Variants in PAIP1 observed in about 807,000 individuals in gnomAD.
The protein encoded by PAIP1 is polyadenylate-binding protein-interacting protein 1.
A neutral mutation model predicts 61.3 loss-of-function variants in PAIP1; 16 were observed. The ratio of observed to expected loss-of-function variants is 0.26; its 90% CI spans 0.18 to 0.40. The LOEUF (loss-of-function observed/expected upper bound fraction) is 0.40. Ranked by LOEUF, PAIP1 falls within the 10% of genes least tolerant of loss-of-function variation. The pLI, the probability that PAIP1 is intolerant of heterozygous loss-of-function variation, is 1.00. For synonymous variants in PAIP1, 187 were observed against 226.2 expected (o/e 0.83, Z 1.56); for missense variants, 416 against 600.9 (o/e 0.69, Z 3.22).
At position 43,527,274 on chromosome 5, in the gene PAIP1, A is replaced by T. The variant is rs1746744864; in HGVS notation, c.*102T>A. 1.6e-6 allele frequency: 1 copy of T among 622,956 alleles called. No homozygotes were observed. The highest frequency in any genetic ancestry group is 2.5e-6 in the Non-Finnish European group (1 of 407,774). The allele number at this position is 622,956 out of a possible 1,614,324, so 38.6% of individuals were successfully genotyped here. A position where few individuals can be genotyped will look rare whatever the true frequency, so the allele number is the denominator to read the frequency against. On this transcript the variant is annotated 3_prime_UTR_variant, in exon 11 of 11. Coordinates refer to ENST00000306846, the MANE Select transcript of PAIP1 (RefSeq NM_006451.5). ...GCATACATTAGTAACATAACTCAAC[A>T]TCCTTAATTTGGTATAGATGTGACA... is the stretch of plus-strand genomic sequence containing the variant.
At chr5:43,541,288 CTTTTTT>C (rs777778938) in intron 4 of PAIP1, among the ~76,000 whole-genome samples, 1 of 25,208 alleles carries the variant, frequency 4.0e-5, no homozygotes, top group East Asian at 1.9e-3. Context: ...CCACGCCCAG[CTTTTTT>C]TTTTTTTTTT....
chr5:43,551,267 CAAAAT>C (rs201268794), intron 2 of PAIP1, among the ~76,000 whole-genome samples: 4,302 of 152,166 alleles, frequency 0.028, 109 homozygotes, highest in Middle Eastern at 0.061. Context: ...CTGTGAAACT[CAAAAT>C]AAAGGACAAA....
chr5:43,551,745 C>CTTTTTTTTT, intron 2 of PAIP1, among the ~76,000 whole-genome samples: 1 of 142,924 alleles, frequency 7.0e-6, no homozygotes, highest in Non-Finnish European at 1.5e-5. Context: ...GATTTGCAAT[C>CTTTTTTTTT]TTTTTTTTTT....
intron 9 of PAIP1, among the ~76,000 whole-genome samples, chr5:43,533,532 A>G (rs1321995403): frequency 2.6e-5 from 4 of 152,264 alleles, no homozygotes; most frequent in African/African-American, 7.2e-5. Flanking sequence ...ACAAGACATT[A>G]TATGTGGAAT....
rs1257321704 is a variant in PAIP1, at chr5:43,527,264, A to G, written c.*112T>C. The stretch of plus-strand genomic sequence containing the variant: ...AATTAAAGTTGCATACATTAGTAAC[A>G]TAACTCAACATCCTTAATTTGGTAT... On this transcript the variant is annotated 3_prime_UTR_variant, in exon 11 of 11. Coordinates refer to ENST00000306846, the MANE Select transcript of PAIP1 (RefSeq NM_006451.5). 9 of 611,362 alleles carry G rather than the reference A, an allele frequency of 1.5e-5. No homozygotes were observed. Among genetic ancestry groups the G allele is most frequent in the Middle Eastern group, 4.6e-4 (1 of 2,182 alleles). The allele number at this position is 611,362 out of a possible 1,614,324, so 37.9% of individuals were successfully genotyped here.
At chr5:43,531,656 C>CAAAAAAAAAAAAAAAAAAAAAAAAA (rs369954867) in intron 9 of PAIP1, among the ~76,000 whole-genome samples, 111 of 59,870 alleles carry the variant, frequency 1.9e-3, no homozygotes, top group South Asian at 4.6e-3. Context: ...GACTCTGTCT[C>CAAAAAAAAAAAAAAAAAAAAAAAAA]AAAAAAAAAA....
At position 43,556,841 on chromosome 5, in the gene PAIP1, C is replaced by A. The variant is rs1380970789; in HGVS notation, c.6G>T (p.Ser2=). 1 of 1,439,336 alleles carries A rather than the reference C, an allele frequency of 6.9e-7. No individual in the cohort carries two copies. Among genetic ancestry groups the A allele is most frequent in the East Asian group, 3.1e-5 (1 of 32,728 alleles). 89.2% of individuals were successfully genotyped at this position (1,439,336 alleles called of 1,614,324 possible). The change falls in exon 1 of 11, where the codon TCG becomes TCT. Residue 2 remains serine, a synonymous_variant. Transcript: ENST00000306846. The part of the protein sequence containing the change: M[S]DGFDRAPGAG... ...CACCTGGGGCCCGATCGAAACCGTC[C>A]GACATGCTCCTCCTCCTCCGCCTCC...
At chr5:43,538,253 TA>T (rs1747236782) in intron 5 of PAIP1, among the ~76,000 whole-genome samples, 2 of 152,080 alleles carry the variant, frequency 1.3e-5, no homozygotes, top group East Asian at 1.9e-4. Context: ...GAATTTCATT[TA>T]GGGGGAATAA....
intron 4 of PAIP1, 115 bp downstream of exon 4, chr5:43,542,889 T>G: frequency 1.8e-6 from 1 of 567,792 alleles, no homozygotes; most frequent in South Asian, 2.5e-5. Context: ...ATAATGCACA[T>G]AAGAATAGGC....
chr5:43,535,727 T>G (rs1579910511), intron 6 of PAIP1, 87 bp from the exon 7 acceptor site: 1 of 715,292 alleles, frequency 1.4e-6, no homozygotes, highest in Non-Finnish European at 2.4e-6. Flanking sequence ...TCAAGCATTC[T>G]CTAAACAAGA....
At position 43,535,618 on chromosome 5, in the gene PAIP1, T is replaced by A. The variant is rs1747112634; in HGVS notation, c.995A>T (p.Asp332Val). ...LLKLTGSVLE[D>V]AWKEKGKMDM... ...CATCTTTCCTTTTTCCTTCCAAGCATCTTCCAAAACTGATCCTGTCAACTA... is the reference window on the plus strand; with the variant it reads ...CATCTTTCCTTTTTCCTTCCAAGCAACTTCCAAAACTGATCCTGTCAACTA... The change falls in exon 7 of 11, where the codon GAT (aspartate) becomes GTT (valine). Residue 332 changes from aspartate to valine, a missense_variant. This residue lies in a region of PAIP1 where 135 missense variants were observed against 283.9 expected (regional missense o/e 0.48). Coordinates refer to ENST00000306846, the MANE Select transcript of PAIP1 (RefSeq NM_006451.5). 6.3e-7 allele frequency: 1 copy of A among 1,597,334 alleles called. No individual in the cohort carries two copies. Among genetic ancestry groups the A allele is most frequent in the Admixed American group, 1.7e-5 (1 of 59,912 alleles).
intron 2 of PAIP1, among the ~76,000 whole-genome samples, chr5:43,551,344 A>G (rs1416847306): frequency 6.6e-6 from 1 of 152,224 alleles, no homozygotes; most frequent in Non-Finnish European, 1.5e-5. Context: ...GTAACAATCC[A>G]TTAACAAGGA....
At chr5:43,543,588 G>GT (rs1747507963) in intron 3 of PAIP1, among the ~76,000 whole-genome samples, 1 of 151,940 alleles carries the variant, frequency 6.6e-6, no homozygotes, top group African/African-American at 2.4e-5. Flanking sequence ...CTGAGCTTCA[G>GT]TTAGACTTTA....
chr5:43,546,561 T>C (rs917856128), intron 3 of PAIP1, among the ~76,000 whole-genome samples: 1 of 152,052 alleles, frequency 6.6e-6, no homozygotes, highest in African/African-American at 2.4e-5. Context: ...GGATAGAAAA[T>C]AATCATTAAT....
At chr5:43,538,775 C>G in intron 5 of PAIP1, 149 bp downstream of exon 5, 1 of 566,784 alleles carries the variant, frequency 1.8e-6, no homozygotes. Flanking sequence ...AAACCACAGA[C>G]ACTAGCAGGT....
chr5:43,531,892 TAAAAC>T (rs1022036010), intron 9 of PAIP1, among the ~76,000 whole-genome samples: 25 of 151,840 alleles, frequency 1.6e-4, no homozygotes, highest in African/African-American at 5.6e-4. Flanking sequence ...AATTAAGAGA[TAAAAC>T]AAAAATATAA....
intron 9 of PAIP1, 93 bp from the exon 10 acceptor site, chr5:43,529,972 T>C: frequency 5.8e-6 from 4 of 689,586 alleles, no homozygotes; most frequent in Non-Finnish European, 1.0e-5. Context: ...TTATGACTTT[T>C]GCCCCCCTGC....
upstream of PAIP1, chr5:43,557,362 G>A (rs1234587983): frequency 6.5e-6 from 1 of 152,760 alleles, no homozygotes; most frequent in African/African-American, 2.4e-5. Flanking sequence ...CGACCTACTC[G>A]GTAGTTCTCA....
At position 43,543,204 on chromosome 5, in the gene PAIP1, T is replaced by C. The variant is rs1747485882; in HGVS notation, c.622-88A>G. 4.7e-6 allele frequency: 3 copies of C among 636,310 alleles called. No homozygotes were observed. The South Asian group carries it at 6.5e-5, about 14-fold the overall frequency. The allele number at this position is 636,310 out of a possible 1,614,324, so 39.4% of individuals were successfully genotyped here. A position where few individuals can be genotyped will look rare whatever the true frequency, so the allele number is the denominator to read the frequency against. On this transcript the variant is annotated intron_variant, in intron 3 of 10. Transcript: ENST00000306846. Reference sequence around the variant, plus strand: ...CAGCAACATTCTAAAGAAGAAAAAATTGACTCCCCAAACTGACCATATATA... The same window carrying C: ...CAGCAACATTCTAAAGAAGAAAAAACTGACTCCCCAAACTGACCATATATA...
Sources: gnomAD v4.1 joint callset for allele counts (sites outside exome capture counted in the v4.1 genomes callset) on GRCh38, gnomAD v4.1.1 for gene constraint, gnomAD v4.1.1 regional missense constraint, MANE v1.5 for transcripts, NCBI Gene and HGNC (gene_info 2026-07-23, HGNC 2026-07-21) for gene names.